The following FABP12 variants were observed in gnomAD, a reference collection of about 807,000 sequenced individuals.
The protein encoded by FABP12 is fatty acid binding protein 12, also known as fatty acid-binding protein 12.
A neutral mutation model predicts 13.7 loss-of-function variants in FABP12; 19 were observed. That is an observed-to-expected ratio of 1.39 (90% CI 0.97 to 2.04). The LOEUF (loss-of-function observed/expected upper bound fraction) is 2.04. Among genes scored for constraint, FABP12 ranks in the 30% most tolerant of loss-of-function variants. The probability of loss-of-function intolerance (pLI) is 0.00; values close to 1 mark genes in which losing one functional copy is unlikely to be tolerated. For synonymous variants in FABP12, 61 were observed against 57.0 expected (o/e 1.07, Z -0.32); for missense variants, 182 against 164.2 (o/e 1.11, Z -0.59).
chr8:81,564,151 T>C (rs1809775720), intron 1 of FABP12, among the ~76,000 whole-genome samples: 1 of 151,470 alleles, frequency 6.6e-6, no homozygotes, highest in Non-Finnish European at 1.5e-5. Flanking sequence ...TGTAAAGTGC[T>C]GAAAGAAAAA....
chr8:81,548,018 C>G (rs1585844793), intron 1 of FABP12, among the ~76,000 whole-genome samples: 1 of 152,138 alleles, frequency 6.6e-6, no homozygotes, highest in Admixed American at 6.5e-5. Flanking sequence ...TGGCACTGCC[C>G]TGGGTACCAG....
intron 1 of FABP12, among the ~76,000 whole-genome samples, chr8:81,586,863 T>C (rs1347487525): frequency 6.6e-6 from 1 of 152,238 alleles, no homozygotes; most frequent in Admixed American, 6.5e-5. Flanking sequence ...ATGAAGTCTT[T>C]GGAAGGGCTA....
chr8:81,572,475 A>G (rs909527462), intron 1 of FABP12, among the ~76,000 whole-genome samples: 15 of 152,198 alleles, frequency 9.9e-5, no homozygotes, highest in African/African-American at 3.6e-4. Flanking sequence ...ATATCCAGTA[A>G]TGGGATTGCT....
chr8:81,584,211 A>G (rs1344821239), intron 1 of FABP12, among the ~76,000 whole-genome samples: 1 of 152,246 alleles, frequency 6.6e-6, no homozygotes, highest in East Asian at 1.9e-4. Context: ...GAAAGGACCA[A>G]GTCAATGAAT....
rs1042528054 is a variant in FABP12 at position 81,570,653 on chromosome 8, G to A, written c.-185+19400C>T. 2.0e-5 allele frequency among the ~76,000 whole-genome samples: 3 copies of A among 152,080 alleles called. No individual in the cohort carries two copies. In the East Asian group the frequency reaches 5.8e-4, roughly 29 times the overall value. ...CCGCAGAGAGGAGGCCCTAGAGTGG[G>A]TGGCTCCTTTCTGCAGGCAGCTTGT... is the stretch of plus-strand genomic sequence containing the variant. On this transcript the variant is annotated intron_variant, in intron 1 of 5. Coordinates refer to the FABP12 transcript ENST00000692030.
At chr8:81,561,309 T>C (rs1256049368) in intron 1 of FABP12, among the ~76,000 whole-genome samples, 2 of 152,214 alleles carry the variant, frequency 1.3e-5, no homozygotes, top group Non-Finnish European at 2.9e-5. Flanking sequence ...AAGCTTAAGT[T>C]TGAAAAGTTG....
intron 1 of FABP12, among the ~76,000 whole-genome samples, chr8:81,546,838 A>G (rs1484503637): frequency 6.6e-6 from 1 of 152,170 alleles, no homozygotes; most frequent in Non-Finnish European, 1.5e-5. Context: ...TACTGAATCA[A>G]ATTAGCCCAA....
upstream of FABP12, among the ~76,000 whole-genome samples, chr8:81,535,869 G>T (rs1285875773): frequency 6.6e-6 from 1 of 152,084 alleles, no homozygotes; most frequent in African/African-American, 2.4e-5. Context: ...TTCTACTGGG[G>T]CGCTCATCCT....
At chr8:81,555,960 A>G (rs1809607337) in intron 1 of FABP12, among the ~76,000 whole-genome samples, 1 of 152,158 alleles carries the variant, frequency 6.6e-6, no homozygotes, top group Admixed American at 6.5e-5. Context: ...ATAGTTTGCG[A>G]GCATGTAGGA....
chr8:81,547,576 T>C (rs1233367562), intron 1 of FABP12, among the ~76,000 whole-genome samples: 1 of 152,236 alleles, frequency 6.6e-6, no homozygotes, highest in Non-Finnish European at 1.5e-5. Context: ...ATATTTACCG[T>C]CTTATCTCTT....
chr8:81,571,346 G>C (rs754607603), intron 1 of FABP12, among the ~76,000 whole-genome samples: 157 of 152,304 alleles, frequency 1.0e-3, no homozygotes, highest in Non-Finnish European at 2.0e-3. Flanking sequence ...AGCCGCACTT[G>C]GTCATCCCGA....
intron 1 of FABP12, among the ~76,000 whole-genome samples, chr8:81,569,006 T>A (rs1386941031): frequency 6.6e-6 from 1 of 152,124 alleles, no homozygotes; most frequent in Non-Finnish European, 1.5e-5. Flanking sequence ...TGGTTATGGG[T>A]ACAAAAATAT....
chr8:81,525,846 A>T (rs1336420933), intron 4 of FABP12: 1 of 152,186 alleles, frequency 6.6e-6, no homozygotes, highest in Non-Finnish European at 1.5e-5. Context: ...TTTTCAGGGC[A>T]CTAATATACA....
At chr8:81,536,380 G>A (rs1378866967), upstream of FABP12, among the ~76,000 whole-genome samples, 2 of 152,186 alleles carry the variant, frequency 1.3e-5, no homozygotes, top group Non-Finnish European at 1.5e-5. Context: ...TACAAAGCAG[G>A]AGAGGAAAGC....
intron 1 of FABP12, among the ~76,000 whole-genome samples, chr8:81,550,316 C>T (rs1281414804): frequency 1.3e-5 from 2 of 152,068 alleles, no homozygotes; most frequent in Admixed American, 6.6e-5. Flanking sequence ...GTAAAATGTT[C>T]CAAATGATGC....
chr8:81,556,903 G>A (rs1336534679), intron 1 of FABP12, among the ~76,000 whole-genome samples: 3 of 115,232 alleles, frequency 2.6e-5, no homozygotes, highest in African/African-American at 7.0e-5. Context: ...TTTTTTTTGC[G>A]AGACAGAGTC....
chr8:81,578,524 C>T (rs1230665907), intron 1 of FABP12, among the ~76,000 whole-genome samples: 17 of 147,876 alleles, frequency 1.1e-4, no homozygotes, highest in Non-Finnish European at 1.9e-4. Flanking sequence ...CTTGCTCTGT[C>T]GCCCAGGCTG....
rs762170047 is a variant in FABP12 at position 81,525,121 on chromosome 8, C to T, written c.349-1G>A. On this transcript the variant is annotated splice_acceptor_variant, in intron 4 of 4. Transcript: ENST00000360464. LOFTEE classifies it high-confidence loss of function. ...AGATAACACTGTTCACAGTACTTTC[C>T]TACAAGACAAAAGAAATATGAGGTA... is the stretch of plus-strand genomic sequence containing the variant. The T allele has an allele frequency of 1.9e-6, 3 of 1,569,538 alleles. No homozygotes were observed. Among genetic ancestry groups the T allele is most frequent in the Non-Finnish European group, 2.6e-6 (3 of 1,150,994 alleles).
chr8:81,550,701 G>C (rs1809511113), intron 1 of FABP12, among the ~76,000 whole-genome samples: 1 of 152,102 alleles, frequency 6.6e-6, no homozygotes, highest in East Asian at 1.9e-4. Flanking sequence ...ATTATTGAAA[G>C]GCACATATAG....
Sources: allele counts gnomAD v4.1 joint callset (sites outside exome capture counted in the v4.1 genomes callset), GRCh38; gene constraint gnomAD v4.1.1; transcripts MANE v1.5; gene names NCBI Gene and HGNC (gene_info 2026-07-23, HGNC 2026-07-21).